Variants in TRAPPC13 observed in about 807,000 individuals in gnomAD.
TRAPPC13 encodes the protein REV7-interacting novel NHEJ regulator 1.
Under a neutral mutation model 54.0 loss-of-function variants are expected in TRAPPC13, and 39 were observed. The ratio of observed to expected loss-of-function variants is 0.72; its 90% confidence interval spans 0.56 to 0.94. The LOEUF (loss-of-function observed/expected upper bound fraction) is 0.94, where lower values mean the gene tolerates loss of function less well. TRAPPC13 is among the 40% of genes least tolerant of loss of function. TRAPPC13 has a pLI of 0.00. For missense variants in TRAPPC13, 386 were observed against 488.1 expected (o/e 0.79, Z 1.97); for synonymous variants, 148 against 167.7 (o/e 0.88, Z 0.91).
chr5:65,651,982 G>A (rs1230914168), intron 6 of TRAPPC13, among the ~76,000 whole-genome samples: 1 of 148,588 alleles, frequency 6.7e-6, no homozygotes, highest in Non-Finnish European at 1.5e-5. Flanking sequence ...TCCTGCCTCA[G>A]CCTCCCGAGT....
chr5:65,628,530 G>A (rs1427011255), intron 1 of TRAPPC13, among the ~76,000 whole-genome samples: 1 of 151,368 alleles, frequency 6.6e-6, no homozygotes, highest in Non-Finnish European at 1.5e-5. Context: ...GAGTACGATG[G>A]CGCGATCTCA....
rs911039286 is a variant in TRAPPC13 at position 65,642,238 on chromosome 5, G to A, written c.300+4458G>A. On this transcript the variant is annotated intron_variant, in intron 4 of 12. Transcript: ENST00000399438. Reference sequence around the variant, plus strand: ...CTCAGGAGGCTGAGGCAGGAGAATCGCTTGAACTTAGGAGGCGGAGGTTGC... The same window carrying A: ...CTCAGGAGGCTGAGGCAGGAGAATCACTTGAACTTAGGAGGCGGAGGTTGC... Among the ~76,000 whole-genome samples, 10 of 152,088 alleles carry A rather than the reference G, an allele frequency of 6.6e-5. No homozygotes were observed. In the South Asian group the frequency reaches 1.0e-3, roughly 16 times the overall value.
intron 3 of TRAPPC13, among the ~76,000 whole-genome samples, chr5:65,637,185 C>T (rs37341): frequency 0.71 from 107,466 of 152,094 alleles, 39,556 homozygotes; most frequent in African/African-American, 0.92. Context: ...ATATCATGTT[C>T]TATAGATTAC....
chr5:65,645,165 G>A (rs575295109), intron 4 of TRAPPC13, among the ~76,000 whole-genome samples: 4 of 137,622 alleles, frequency 2.9e-5, no homozygotes, highest in South Asian at 4.7e-4. Flanking sequence ...GCCATTGCAC[G>A]CCAGCCTGGG....
chr5:65,638,047 C>T (rs745795230), intron 4 of TRAPPC13, among the ~76,000 whole-genome samples: 5 of 146,436 alleles, frequency 3.4e-5, no homozygotes, highest in East Asian at 2.0e-4. Context: ...GGCTTGAACC[C>T]GGGAGGTGAA....
chr5:65,645,562 T>C (rs1756159609), intron 4 of TRAPPC13, among the ~76,000 whole-genome samples: 1 of 152,174 alleles, frequency 6.6e-6, no homozygotes, highest in African/African-American at 2.4e-5. Flanking sequence ...CCCAGCACTT[T>C]GGGAGGCCGA....
chr5:65,654,354 A>G (rs907136340), intron 7 of TRAPPC13, among the ~76,000 whole-genome samples: 2 of 152,168 alleles, frequency 1.3e-5, no homozygotes, highest in Non-Finnish European at 2.9e-5. Context: ...TTGTCAGTTA[A>G]CATTATATGT....
At position 65,660,854 on chromosome 5, in the gene TRAPPC13, TA is replaced by T; in HGVS notation, c.855del (p.Gly286ValfsTer32). 6.2e-7 allele frequency: 1 copy of T among 1,613,234 alleles called. No homozygotes were observed. The highest frequency in any genetic ancestry group is 8.5e-7 in the Non-Finnish European group (1 of 1,179,542). On this transcript the variant is annotated frameshift_variant, in exon 10 of 13. Transcript: ENST00000399438. LOFTEE classifies it high-confidence loss of function. ...TTGGATATAGTATGGAAAACAAATC[TA>T]GGTGAAAGGGGAAGGTTACAGACCA... ...GKLDIVWKTNLGERGRLQTSQ... is the reference protein window; with the variant it reads ...GKLDIVWKTNXGERGRLQTSQ...
intron 11 of TRAPPC13, chr5:65,662,854 A>G (rs1446773777): frequency 6.6e-6 from 1 of 152,202 alleles, no homozygotes; most frequent in African/African-American, 2.4e-5. Context: ...AATTACAGAA[A>G]TACCCACTTC....
chr5:65,628,984 A>AT (rs1431042088), intron 1 of TRAPPC13, among the ~76,000 whole-genome samples: 3 of 150,990 alleles, frequency 2.0e-5, no homozygotes, highest in Admixed American at 6.6e-5. Context: ...CACCCAGCTA[A>AT]TTTTTTTTTG....
At chr5:65,630,559 T>G (rs1755498356) in intron 1 of TRAPPC13, 1 of 1,208,128 alleles carries the variant, frequency 8.3e-7, no homozygotes, top group South Asian at 3.1e-5. Context: ...AAATGTTCTG[T>G]TCCTTTTGTT....
At chr5:65,651,552 G>GA (rs1177943017) in intron 6 of TRAPPC13, among the ~76,000 whole-genome samples, 1 of 151,412 alleles carries the variant, frequency 6.6e-6, no homozygotes, top group African/African-American at 2.4e-5. Flanking sequence ...AAGACTCCAG[G>GA]AATCACTGGA....
intron 1 of TRAPPC13, 89 bp from the exon 2 acceptor site, chr5:65,635,211 TA>T: frequency 9.1e-7 from 1 of 1,093,406 alleles, no homozygotes; most frequent in Non-Finnish European, 1.3e-6. Context: ...TATGTTAGTA[TA>T]AAATGGATGA....
Position 65,632,915 on chromosome 5 carries a change from AATTATTTT to A in TRAPPC13, c.47-2382_47-2375del, listed in dbSNP as rs564414120. Among the ~76,000 whole-genome samples, 7 of 152,348 alleles carry A rather than the reference AATTATTTT, an allele frequency of 4.6e-5. No individual in the cohort carries two copies. The South Asian group carries it at 1.4e-3, about 32-fold the overall frequency. ...TATTTAGGGACTTTCATGAAGTGCT[AATTATTTT>A]ATTCAGGGAAGATCTGAATAGCAGA... On this transcript the variant is annotated intron_variant, in intron 1 of 12. Coordinates refer to ENST00000399438, the MANE Select transcript of TRAPPC13 (RefSeq NM_024941.4).
At chr5:65,629,113 A>G (rs1755401831) in intron 1 of TRAPPC13, among the ~76,000 whole-genome samples, 1 of 152,204 alleles carries the variant, frequency 6.6e-6, no homozygotes, top group South Asian at 2.1e-4. Flanking sequence ...TCATATGAAA[A>G]CAATATTTTA....
intron 3 of TRAPPC13, among the ~76,000 whole-genome samples, chr5:65,636,962 G>A (rs1402056144): frequency 6.6e-6 from 1 of 152,114 alleles, no homozygotes; most frequent in Non-Finnish European, 1.5e-5. Context: ...TTTTATTCAA[G>A]TAACCTAGGA....
At chr5:65,656,453 A>G (rs1166852295) in intron 8 of TRAPPC13, among the ~76,000 whole-genome samples, 1 of 152,270 alleles carries the variant, frequency 6.6e-6, no homozygotes, top group Admixed American at 6.5e-5. Context: ...ATGCCATTAA[A>G]TGATGCATTT....
intron 3 of TRAPPC13, among the ~76,000 whole-genome samples, chr5:65,636,332 G>T (rs947955307): frequency 6.6e-6 from 1 of 151,758 alleles, no homozygotes; most frequent in African/African-American, 2.4e-5. Flanking sequence ...ATTGGAGACC[G>T]TGTTTTGCTA....
rs796918849 is a variant in TRAPPC13, at chr5:65,652,468, C to G, written c.502-33C>G. 7 of 1,494,170 alleles carry G rather than the reference C, an allele frequency of 4.7e-6. No homozygotes were observed. In the African/African-American group the frequency reaches 9.9e-5, roughly 21 times the overall value. The allele number at this position is 1,494,170 out of a possible 1,614,324, so 92.6% of individuals were successfully genotyped here. On this transcript the variant is annotated intron_variant, in intron 6 of 12. Transcript: ENST00000399438. ...AAATAAATAAATGGTCACATGATAACAATCTCCTGATTGATATGCTTTATT... is the reference window on the plus strand; with the variant it reads ...AAATAAATAAATGGTCACATGATAAGAATCTCCTGATTGATATGCTTTATT...
Sources: allele counts gnomAD v4.1 joint callset (sites outside exome capture counted in the v4.1 genomes callset), GRCh38; gene constraint gnomAD v4.1.1; transcripts MANE v1.5; gene names NCBI Gene and HGNC (gene_info 2026-07-23, HGNC 2026-07-21).